DACH1: variants seen among roughly 807,000 people sequenced by gnomAD.
DACH1 encodes dachshund homolog 1.
In DACH1, 12 loss-of-function variants were observed where a neutral mutation model predicts 54.2. That is an observed-to-expected ratio of 0.22 (90% CI 0.14 to 0.36). The LOEUF (loss-of-function observed/expected upper bound fraction) is 0.36, where lower values mean the gene tolerates loss of function less well. DACH1 is among the 10% of genes least tolerant of loss of function. The pLI is 1.00. For missense variants in DACH1, 805 were observed against 929.8 expected (o/e 0.87, Z 1.75); for synonymous variants, 386 against 366.2 (o/e 1.05, Z -0.62).
chr13:71,863,028 A>G (rs566287921), intron 1 of DACH1, among the ~76,000 whole-genome samples: 8 of 152,228 alleles, frequency 5.3e-5, no homozygotes, highest in African/African-American at 1.9e-4. Flanking sequence ...GCTAGAGGAG[A>G]AAGAAACCAA....
chr13:71,486,677 T>G (rs1422777191), intron 7 of DACH1, among the ~76,000 whole-genome samples: 2 of 152,176 alleles, frequency 1.3e-5, no homozygotes, highest in Non-Finnish European at 2.9e-5. Flanking sequence ...TGGGCACATA[T>G]GTACATGCAT....
chr13:71,527,283 T>C (rs1257315255), intron 6 of DACH1, among the ~76,000 whole-genome samples: 1 of 152,120 alleles, frequency 6.6e-6, no homozygotes. Context: ...AAAAATAATA[T>C]AAGCATATTA....
At chr13:71,696,521 A>G (rs891146935) in intron 1 of DACH1, among the ~76,000 whole-genome samples, 1 of 152,036 alleles carries the variant, frequency 6.6e-6, no homozygotes, top group African/African-American at 2.4e-5. Flanking sequence ...AGAAGCAAAT[A>G]GCCATATCTA....
chr13:71,646,403 C>G (rs991565818), intron 2 of DACH1, among the ~76,000 whole-genome samples: 2 of 151,240 alleles, frequency 1.3e-5, no homozygotes, highest in Admixed American at 1.3e-4. Context: ...GTGATACAGT[C>G]AAAGCAAATT....
chr13:71,549,747 T>C (rs1883688089), intron 6 of DACH1, among the ~76,000 whole-genome samples: 1 of 152,162 alleles, frequency 6.6e-6, no homozygotes, highest in Non-Finnish European at 1.5e-5. Flanking sequence ...ACAAGTGGCA[T>C]GTGTGAGTAG....
intron 2 of DACH1, among the ~76,000 whole-genome samples, chr13:71,680,110 A>G (rs1252316648): frequency 6.6e-6 from 1 of 152,212 alleles, no homozygotes; most frequent in Non-Finnish European, 1.5e-5. Context: ...TGATTTTTCC[A>G]AATCTCAAAT....
In DACH1 at chr13:71,686,195, A is replaced by C. The variant is rs139152508; in HGVS notation, c.849-4285T>G. Among the ~76,000 whole-genome samples the C allele has an allele frequency of 7.5e-3, 1,141 of 152,280 alleles. 15 individuals are homozygous for C. Among genetic ancestry groups the C allele is most frequent in the African/African-American group, 0.025 (1,051 of 41,552 alleles). On this transcript the variant is annotated intron_variant, in intron 1 of 10. Transcript: ENST00000613252. ...TATGATTTTGGTAATTGTTTTTGCC[A>C]GCTTCATGCATTAGCCTTAGTACAG...
At chr13:71,697,521 T>A (rs1332604277) in intron 1 of DACH1, among the ~76,000 whole-genome samples, 1 of 152,194 alleles carries the variant, frequency 6.6e-6, no homozygotes, top group African/African-American at 2.4e-5. Flanking sequence ...CATCCATAAA[T>A]TTTTCAACTT....
rs1594201151 is a variant in DACH1 at position 71,771,372 on chromosome 13, A to T, written c.849-89462T>A. Among the ~76,000 whole-genome samples, 3 of 151,284 alleles carry T rather than the reference A, an allele frequency of 2.0e-5. No homozygotes were observed. The South Asian group carries it at 6.2e-4, about 31-fold the overall frequency. On this transcript the variant is annotated intron_variant, in intron 1 of 10. Transcript: ENST00000613252. ...AAATAAATAAATCTTTGCCAGAATG[A>T]CCAAATGACAGATTTCTTCTAAGCT... is the stretch of plus-strand genomic sequence containing the variant.
At chr13:71,753,137 G>A (rs920056554) in intron 1 of DACH1, among the ~76,000 whole-genome samples, 112 of 152,248 alleles carry the variant, frequency 7.4e-4, no homozygotes, top group African/African-American at 2.6e-3. Context: ...TGCAAATATT[G>A]TAGTGACTGT....
chr13:71,744,119 A>T (rs534513399), intron 1 of DACH1, among the ~76,000 whole-genome samples: 95 of 152,316 alleles, frequency 6.2e-4, no homozygotes, highest in Middle Eastern at 6.8e-3. Flanking sequence ...GACTTGGTGC[A>T]GTTACAGATA....
chr13:71,748,896 T>TTCTTTC (rs1884768009), intron 1 of DACH1, among the ~76,000 whole-genome samples: 1 of 64,946 alleles, frequency 1.5e-5, no homozygotes, highest in Non-Finnish European at 2.9e-5. Context: ...CTTTCTTTCT[T>TTCTTTC]TCTCTTTCTT....
At chr13:71,847,794 A>G (rs912531357) in intron 1 of DACH1, among the ~76,000 whole-genome samples, 9 of 152,220 alleles carry the variant, frequency 5.9e-5, no homozygotes, top group Non-Finnish European at 1.3e-4. Context: ...GTGTATTAAC[A>G]TAAGGCACTG....
Position 71,837,731 on chromosome 13 carries a change from C to T in DACH1, c.848+28191G>A, listed in dbSNP as rs576109730. Among the ~76,000 whole-genome samples the T allele has an allele frequency of 3.1e-4, 46 of 147,202 alleles. 1 individual carries two copies. The highest frequency in any genetic ancestry group is 9.3e-4 in the African/African-American group (37 of 39,936). On this transcript the variant is annotated intron_variant, in intron 1 of 10. Transcript: ENST00000613252. Reference sequence around the variant, plus strand: ...CACACATGCACACGTATGTTTATTGCGGCATTATTCACAATAGCAACCCAA... The same window carrying T: ...CACACATGCACACGTATGTTTATTGTGGCATTATTCACAATAGCAACCCAA...
At chr13:71,601,286 G>A (rs1874474393) in intron 3 of DACH1, among the ~76,000 whole-genome samples, 1 of 151,796 alleles carries the variant, frequency 6.6e-6, no homozygotes, top group African/African-American at 2.4e-5. Flanking sequence ...TATTATCAGT[G>A]GGATTAATAT....
chr13:71,457,052 G>C (rs1875630241), intron 10 of DACH1, among the ~76,000 whole-genome samples: 1 of 151,960 alleles, frequency 6.6e-6, no homozygotes, highest in South Asian at 2.1e-4. Flanking sequence ...TATTACATGA[G>C]CACGTTTTTC....
intron 3 of DACH1, among the ~76,000 whole-genome samples, chr13:71,601,606 T>G (rs578117179): frequency 1.8e-4 from 27 of 152,124 alleles, no homozygotes; most frequent in African/African-American, 5.1e-4. Flanking sequence ...TGCCCGTCTT[T>G]TTTCTAAACA....
chr13:71,663,410 T>C (rs1328794306), intron 2 of DACH1, among the ~76,000 whole-genome samples: 8 of 151,956 alleles, frequency 5.3e-5, no homozygotes, highest in Non-Finnish European at 2.9e-5. Context: ...AAAAGCTAGA[T>C]TGAAAAGACA....
chr13:71,725,136 A>G (rs1222452591), intron 1 of DACH1, among the ~76,000 whole-genome samples: 1 of 152,208 alleles, frequency 6.6e-6, no homozygotes, highest in East Asian at 1.9e-4. Context: ...TAGTACAACA[A>G]AAAAGACTTG....
Sources: allele counts gnomAD v4.1 joint callset (sites outside exome capture counted in the v4.1 genomes callset), GRCh38; gene constraint gnomAD v4.1.1; transcripts MANE v1.5; gene names NCBI Gene and HGNC (gene_info 2026-07-23, HGNC 2026-07-21).